The following LRP12 variants were observed in gnomAD, a reference collection of about 807,000 sequenced individuals.
The protein encoded by LRP12 is low-density lipoprotein receptor-related protein 12.
A neutral mutation model predicts 66.0 loss-of-function variants in LRP12; 14 were observed. That is an observed-to-expected ratio of 0.21 (90% CI 0.14 to 0.33). The LOEUF (loss-of-function observed/expected upper bound fraction) is 0.33, where lower values mean the gene tolerates loss of function less well. Ranked by LOEUF, LRP12 falls within the 10% of genes least tolerant of loss-of-function variation. LRP12 has a pLI of 1.00. For missense variants in LRP12, 889 were observed against 1,053.4 expected (o/e 0.84, Z 2.16); for synonymous variants, 357 against 359.1 (o/e 0.99, Z 0.07).
intron 1 of LRP12, among the ~76,000 whole-genome samples, chr8:104,581,770 G>A (rs1480994491): frequency 6.6e-6 from 1 of 152,058 alleles, no homozygotes; most frequent in Non-Finnish European, 1.5e-5. Context: ...GCCTCTACAC[G>A]AAGAGCACAG....
At chr8:104,549,547 C>T (rs370958526) in intron 1 of LRP12, among the ~76,000 whole-genome samples, 193 of 151,944 alleles carry the variant, frequency 1.3e-3, no homozygotes, top group Middle Eastern at 3.4e-3. Flanking sequence ...GGACTACAGG[C>T]GCCTGCCACC....
intron 1 of LRP12, among the ~76,000 whole-genome samples, chr8:104,546,880 ATTC>A (rs1260893540): frequency 1.4e-5 from 2 of 143,392 alleles, no homozygotes; most frequent in East Asian, 2.0e-4. Flanking sequence ...TCTTATAATT[ATTC>A]TTCTTATAAT....
At position 104,567,464 on chromosome 8, in the gene LRP12, C is replaced by T. The variant is rs192497033; in HGVS notation, c.79+21355G>A. Among the ~76,000 whole-genome samples, 776 of 152,174 alleles carry T rather than the reference C, an allele frequency of 5.1e-3. 2 individuals are homozygous for T. The highest frequency in any genetic ancestry group is 7.3e-3 in the Non-Finnish European group (494 of 68,008). On this transcript the variant is annotated intron_variant, in intron 1 of 6. Coordinates refer to ENST00000276654, the MANE Select transcript of LRP12 (RefSeq NM_013437.5). ...CCTCCCCCGGGTACCTCCCATAACA[C>T]GAGGGAATTCTGGGAGATACAATTC...
chr8:104,582,999 G>A (rs1286814191), intron 1 of LRP12, among the ~76,000 whole-genome samples: 4 of 152,024 alleles, frequency 2.6e-5, no homozygotes, highest in African/African-American at 4.8e-5. Context: ...CTTACGGCAA[G>A]AGGAAAAATC....
At chr8:104,574,797 T>A (rs921250947) in intron 1 of LRP12, among the ~76,000 whole-genome samples, 4 of 152,232 alleles carry the variant, frequency 2.6e-5, no homozygotes, top group Non-Finnish European at 4.4e-5. Flanking sequence ...TTTTAAAATA[T>A]TAACATTAAT....
At chr8:104,565,238 G>A (rs1318546132) in intron 1 of LRP12, among the ~76,000 whole-genome samples, 1 of 152,068 alleles carries the variant, frequency 6.6e-6, no homozygotes, top group Non-Finnish European at 1.5e-5. Context: ...CACACAATAA[G>A]TATTTTAGAA....
At chr8:104,543,014 A>AAT (rs1431062955) in intron 1 of LRP12, among the ~76,000 whole-genome samples, 15 of 142,648 alleles carry the variant, frequency 1.1e-4, no homozygotes, top group Admixed American at 8.2e-4. Context: ...TATATATATA[A>AAT]ATATATATAC....
At position 104,497,930 on chromosome 8, in the gene LRP12, T is replaced by G. The variant is rs774822844; in HGVS notation, c.622A>C (p.Thr208Pro). The G allele has an allele frequency of 1.2e-6, 2 of 1,614,002 alleles. No individual in the cohort carries two copies. Among genetic ancestry groups the G allele is most frequent in the African/African-American group, 1.3e-5 (1 of 74,892 alleles). Residue 208 changes from threonine to proline, a missense_variant, in exon 5 of 7, where the codon ACT becomes CCT. Around this residue, in one of 3 missense-constraint regions of LRP12, gnomAD observed 800 missense variants for 964.5 expected, o/e 0.83. Coordinates refer to ENST00000276654, the MANE Select transcript of LRP12 (RefSeq NM_013437.5). The surrounding 1 kb of genome is among the most constrained non-coding windows in gnomAD (Gnocchi z 4.3). ...EICAKEANPP[T>P]AAAFQPCAYN... ...GCACAGGGTTGAAAAGCAGCAGCAG[T>G]TGGAGGATTTGCTTCTTTGGCACAG...
At chr8:104,560,465 G>A (rs1003650340) in intron 1 of LRP12, among the ~76,000 whole-genome samples, 2 of 152,152 alleles carry the variant, frequency 1.3e-5, no homozygotes, top group Non-Finnish European at 2.9e-5. Context: ...GGTAGCTGTT[G>A]TGCACAGCAA....
intron 1 of LRP12, among the ~76,000 whole-genome samples, chr8:104,581,757 T>C (rs1024433965): frequency 6.6e-6 from 1 of 151,992 alleles, no homozygotes; most frequent in East Asian, 1.9e-4. Flanking sequence ...AAAAAAATAA[T>C]GGGCCTCTAC....
rs931073866 is a variant in LRP12, at chr8:104,588,963, G to C, written c.-66C>G. 2 of 975,222 alleles carry C rather than the reference G, an allele frequency of 2.1e-6. No individual in the cohort carries two copies. The highest frequency in any genetic ancestry group is 2.8e-6 in the Non-Finnish European group (2 of 713,692). The allele number at this position is 975,222 out of a possible 1,614,324, so 60.4% of individuals were successfully genotyped here. On this transcript the variant is annotated 5_prime_UTR_variant, in exon 1 of 7. Coordinates refer to ENST00000276654, the MANE Select transcript of LRP12 (RefSeq NM_013437.5). ...GAGGGAGGAGAAGCTGGAGGTAGACGACGCCGACGCCGCCGCCGCCGCCGC... is the reference window on the plus strand; with the variant it reads ...GAGGGAGGAGAAGCTGGAGGTAGACCACGCCGACGCCGCCGCCGCCGCCGC...
intron 1 of LRP12, among the ~76,000 whole-genome samples, chr8:104,575,930 G>C (rs187980918): frequency 1.3e-5 from 2 of 152,198 alleles, no homozygotes; most frequent in Admixed American, 6.5e-5. Flanking sequence ...GAATGTAACA[G>C]ACCTGATAGA....
intron 1 of LRP12, among the ~76,000 whole-genome samples, chr8:104,578,027 A>C (rs1165089392): frequency 6.6e-6 from 1 of 152,098 alleles, no homozygotes; most frequent in Non-Finnish European, 1.5e-5. Context: ...CAAAGCTAGT[A>C]AAGACAAGAA....
At chr8:104,532,055 A>G in intron 1 of LRP12, 92 bp from the exon 2 acceptor site, 1 of 718,622 alleles carries the variant, frequency 1.4e-6, no homozygotes, top group African/African-American at 1.8e-5. Flanking sequence ...AACTACATAG[A>G]GTTCCTTTTA....
intron 2 of LRP12, among the ~76,000 whole-genome samples, chr8:104,519,732 T>C (rs989819347): frequency 6.6e-6 from 1 of 152,012 alleles, no homozygotes; most frequent in Non-Finnish European, 1.5e-5. Context: ...GGACTCTCAT[T>C]ACTCTGAGAC....
At chr8:104,567,038 G>A (rs975005633) in intron 1 of LRP12, among the ~76,000 whole-genome samples, 7 of 151,456 alleles carry the variant, frequency 4.6e-5, no homozygotes, top group Non-Finnish European at 8.8e-5. Flanking sequence ...GACAAAAAAA[G>A]TGGTAAGAGA....
At chr8:104,500,125 G>A (rs546279947) in intron 3 of LRP12, among the ~76,000 whole-genome samples, 1 of 152,200 alleles carries the variant, frequency 6.6e-6, no homozygotes, top group African/African-American at 2.4e-5. Context: ...TAAAATGTGG[G>A]CATAAGTATA....
At chr8:104,513,661 C>T (rs1811030348) in intron 2 of LRP12, among the ~76,000 whole-genome samples, 1 of 152,138 alleles carries the variant, frequency 6.6e-6, no homozygotes, top group Non-Finnish European at 1.5e-5. Flanking sequence ...ACTACCCAGA[C>T]TTTGTGGACA....
At position 104,577,810 on chromosome 8, in the gene LRP12, CAAAAAA is replaced by C. The variant is rs34298645; in HGVS notation, c.79+11003_79+11008del. 3.6e-3 allele frequency among the ~76,000 whole-genome samples: 403 copies of C among 111,128 alleles called. 1 individual carries two copies. The highest frequency in any genetic ancestry group is 5.9e-3 in the Non-Finnish European group (329 of 56,218). The allele number at this position is 111,128 out of a possible 152,430, so 72.9% of individuals were successfully genotyped here. On this transcript the variant is annotated intron_variant, in intron 1 of 6. Transcript: ENST00000276654. The stretch of plus-strand genomic sequence containing the variant: ...TGGGTAACAGAACGAGACTCCATCT[CAAAAAA>C]AAAAAAAAAAAGAAAAAGAAAGTTC...
Sources: gnomAD v4.1 joint callset for allele counts (sites outside exome capture counted in the v4.1 genomes callset) on GRCh38, gnomAD v4.1.1 for gene constraint, gnomAD v4.1.1 regional missense constraint, Gnocchi (gnomAD v3.1) non-coding constraint, MANE v1.5 for transcripts, NCBI Gene and HGNC (gene_info 2026-07-23, HGNC 2026-07-21) for gene names.